ARHGEF10: variants seen among roughly 807,000 people sequenced by gnomAD.
The protein encoded by ARHGEF10 is Rho guanine nucleotide exchange factor 10, also known as Rho guanine nucleotide exchange factor (GEF) 10.
Under a neutral mutation model 147.4 loss-of-function variants are expected in ARHGEF10, and 140 were observed. The observed-to-expected ratio is 0.95, with a 90% CI of 0.83 to 1.09. The LOEUF is 1.09. Ranked by LOEUF, ARHGEF10 falls within the 50% of genes least tolerant of loss-of-function variation. ARHGEF10 has a pLI of 0.00. For missense variants in ARHGEF10, 2,222 were observed against 1,752.7 expected, an observed-to-expected ratio of 1.27 and a Z score of -4.78; for synonymous variants, 902 against 695.8, an observed-to-expected ratio of 1.30 and a Z score of -4.67.
intron 15 of ARHGEF10, 78 bp from the exon 16 acceptor site, chr8:1,903,203 A>AGCTG: frequency 3.9e-6 from 6 of 1,553,494 alleles, no homozygotes; most frequent in Non-Finnish European, 5.3e-6. Context: ...TTCCATTGTC[A>AGCTG]GCTGGCGGGT....
At chr8:1,833,542 G>T (rs1007597654) in intron 1 of ARHGEF10, among the ~76,000 whole-genome samples, 1 of 152,144 alleles carries the variant, frequency 6.6e-6, no homozygotes, top group East Asian at 1.9e-4. Flanking sequence ...CGGCCCTCAC[G>T]GCTGCCTCTG....
intron 18 of ARHGEF10, among the ~76,000 whole-genome samples, chr8:1,918,460 C>CTGTGTGTGTGTGTGTGTG (rs60519090): frequency 1.1e-3 from 155 of 140,938 alleles, no homozygotes; most frequent in African/African-American, 3.9e-3. Context: ...CATTTGATGG[C>CTGTGTGTGTGTGTGTGTG]TGTGTGTGTG....
intron 27 of ARHGEF10, among the ~76,000 whole-genome samples, chr8:1,951,709 C>CTGTG (rs1815063388): frequency 2.0e-5 from 3 of 152,362 alleles, no homozygotes; most frequent in South Asian, 4.1e-4. Flanking sequence ...AATGGGCCTA[C>CTGTG]TGTGCTCCTC....
intron 10 of ARHGEF10, among the ~76,000 whole-genome samples, chr8:1,884,271 C>G (rs940818827): frequency 6.6e-6 from 1 of 151,998 alleles, no homozygotes; most frequent in Non-Finnish European, 1.5e-5. Flanking sequence ...TGGCGGGTGC[C>G]TGTAGTCCCA....
Position 1,940,647 on chromosome 8 carries a change from T to G in ARHGEF10, c.3223-4834T>G, listed in dbSNP as rs144308539. Among the ~76,000 whole-genome samples, 618 of 152,348 alleles carry G rather than the reference T, an allele frequency of 4.1e-3. 6 individuals carry two copies. The highest frequency in any genetic ancestry group is 0.014 in the African/African-American group (598 of 41,578). ...CTTCCTACTCATTCTGCAGTCAGCA[T>G]GACCCCGATACCAAAGACATGACAA... On this transcript the variant is annotated intron_variant, in intron 26 of 28. Coordinates refer to ENST00000349830, the MANE Select transcript of ARHGEF10 (RefSeq NM_014629.4).
chr8:1,956,613 A>T (rs1815586112), intron 28 of ARHGEF10, 136 bp from the exon 29 acceptor site: 2 of 825,882 alleles, frequency 2.4e-6, no homozygotes, highest in Admixed American at 4.1e-5. Context: ...CTTATTATTC[A>T]TGTATGCAAG....
chr8:1,913,302 G>A (rs1362374976), intron 18 of ARHGEF10, among the ~76,000 whole-genome samples: 2 of 76,508 alleles, frequency 2.6e-5, no homozygotes, highest in African/African-American at 1.3e-4. Flanking sequence ...AGTTCTTCGT[G>A]TGTGTGTGTG....
chr8:1,949,139 T>A (rs73546715), intron 27 of ARHGEF10, among the ~76,000 whole-genome samples: 2,553 of 152,166 alleles, frequency 0.017, 76 homozygotes, highest in African/African-American at 0.059. Context: ...AACAACAAAA[T>A]TTGAAAAAAA....
intron 18 of ARHGEF10, among the ~76,000 whole-genome samples, chr8:1,917,067 G>A (rs1811813564): frequency 6.6e-6 from 1 of 152,228 alleles, no homozygotes; most frequent in Admixed American, 6.5e-5. Flanking sequence ...ATTGCATACT[G>A]CAAGCTTCTT....
intron 1 of ARHGEF10, among the ~76,000 whole-genome samples, chr8:1,837,183 T>C (rs1189607769): frequency 6.6e-6 from 1 of 152,246 alleles, no homozygotes; most frequent in Admixed American, 6.5e-5. Flanking sequence ...ATGCCGGTGG[T>C]AGGGCAAGGC....
intron 14 of ARHGEF10, among the ~76,000 whole-genome samples, chr8:1,897,780 C>T (rs891888038): frequency 1.3e-5 from 2 of 152,288 alleles, no homozygotes; most frequent in East Asian, 1.9e-4. Context: ...CAGCCGTGGC[C>T]GTGACCGCAG....
chr8:1,830,237 G>GCAGGCGGCTCATTTCCAGTGGGGCT (rs1803009915), intron 1 of ARHGEF10, among the ~76,000 whole-genome samples: 1 of 67,692 alleles, frequency 1.5e-5, no homozygotes, highest in Non-Finnish European at 3.2e-5. Context: ...GGCATGCGTG[G>GCAGGCGGCTCATTTCCAGTGGGGCT]CAGGCGGCTC....
chr8:1,845,293 G>A (rs1224739740), intron 2 of ARHGEF10, among the ~76,000 whole-genome samples: 10 of 152,150 alleles, frequency 6.6e-5, no homozygotes, highest in Non-Finnish European at 1.5e-5. Context: ...CCCTCCAGGG[G>A]CCCCCTCCCG....
intron 25 of ARHGEF10, among the ~76,000 whole-genome samples, chr8:1,931,596 C>A (rs1158284679): frequency 6.6e-6 from 1 of 152,210 alleles, no homozygotes; most frequent in African/African-American, 2.4e-5. Context: ...CATAGCCTGC[C>A]ACTTCGTTCT....
At chr8:1,953,575 A>C (rs1563336337) in intron 28 of ARHGEF10, among the ~76,000 whole-genome samples, 3 of 152,288 alleles carry the variant, frequency 2.0e-5, no homozygotes, top group Admixed American at 6.5e-5. Context: ...GGCCCAGGAA[A>C]CAGCCTAAGC....
chr8:1,882,091 C>T (rs945209534), intron 9 of ARHGEF10, among the ~76,000 whole-genome samples: 16 of 152,166 alleles, frequency 1.1e-4, no homozygotes, highest in African/African-American at 3.9e-4. Flanking sequence ...GTGCTGCACC[C>T]CGACCCTCCC....
chr8:1,845,867 A>G (rs541339840), intron 2 of ARHGEF10, among the ~76,000 whole-genome samples: 1 of 152,160 alleles, frequency 6.6e-6, no homozygotes, highest in Non-Finnish European at 1.5e-5. Flanking sequence ...TGGAGGCAGG[A>G]CTGGGGGTGC....
chr8:1,952,060 C>A lies in ARHGEF10; in HGVS notation c.3398-645C>A, dbSNP rs112928795. On this transcript the variant is annotated intron_variant, in intron 27 of 28. Transcript: ENST00000349830. ...TGTTTAGTTTCTCTGGGCTTCAGAT[C>A]CTTGGCTGTAAAGCAAATCAAAACC... is the stretch of plus-strand genomic sequence containing the variant. Among the ~76,000 whole-genome samples, 739 of 152,302 alleles carry A rather than the reference C, an allele frequency of 4.9e-3. 5 individuals are homozygous for A. The highest frequency in any genetic ancestry group is 0.017 in the African/African-American group (714 of 41,570).
In ARHGEF10 at chr8:1,952,789, T is replaced by C; in HGVS notation, c.3482T>C (p.Leu1161Pro). 6.2e-7 allele frequency: 1 copy of C among 1,613,866 alleles called. No individual in the cohort carries two copies. Among genetic ancestry groups the C allele is most frequent in the Non-Finnish European group, 8.5e-7 (1 of 1,180,052 alleles). ...ACCAGCCTGGGAGTCCTCGTGGCCC[T>C]GCCGGTCCCACGTCTGCAAGGGATT... ...VGTSLGVLVA[L>P]PVPRLQGIPK... Residue 1161 changes from leucine to proline, a missense_variant, in exon 28 of 29, where the codon CTG becomes CCG. Transcript: ENST00000349830.
Sources: allele counts gnomAD v4.1 joint callset (sites outside exome capture counted in the v4.1 genomes callset), GRCh38; gene constraint gnomAD v4.1.1; transcripts MANE v1.5; gene names NCBI Gene and HGNC (gene_info 2026-07-23, HGNC 2026-07-21).